The following ANO3 variants were observed in gnomAD, a reference collection of about 807,000 sequenced individuals.
ANO3 encodes anoctamin 3, also known as anoctamin-3.
In ANO3, 99 loss-of-function variants were observed where a neutral mutation model predicts 144.8. The ratio of observed to expected loss-of-function variants is 0.68; its 90% CI spans 0.58 to 0.81. ANO3 has a LOEUF of 0.81. ANO3 is among the 30% of genes least tolerant of loss of function. ANO3 has a pLI of 0.00. For synonymous variants in ANO3, 414 were observed against 392.6 expected (o/e 1.05, Z -0.64); for missense variants, 905 against 1,202.2 (o/e 0.75, Z 3.66).
intron 4 of ANO3, among the ~76,000 whole-genome samples, chr11:26,499,661 G>T (rs759053201): frequency 3.0e-4 from 45 of 151,046 alleles, no homozygotes; most frequent in East Asian, 3.9e-4. Flanking sequence ...TTTTTATGTT[G>T]CCTATTCCTG....
At chr11:26,533,524 A>G (rs979260022) in intron 8 of ANO3, among the ~76,000 whole-genome samples, 2 of 152,192 alleles carry the variant, frequency 1.3e-5, no homozygotes, top group Middle Eastern at 3.4e-3. Flanking sequence ...AGAGCCTTGG[A>G]GGAAAATAAG....
rs372318959 is a variant in ANO3 at position 26,537,446 on chromosome 11, G to A, written c.1017G>A (p.Ala339=). 1.7e-4 allele frequency: 269 copies of A among 1,613,516 alleles called. No homozygotes were observed. The highest frequency in any genetic ancestry group is 2.2e-4 in the Non-Finnish European group (258 of 1,179,562). The change falls in exon 10 of 27, where the codon GCG becomes GCA. Residue 339 remains alanine (A), a synonymous_variant. Transcript: ENST00000256737. Reference sequence around the variant, plus strand: ...TAAACAATGGCTCATACATAGCAGCGTTTCCACCACATGAGGTAATTTTGA... The same window carrying A: ...TAAACAATGGCTCATACATAGCAGCATTTCCACCACATGAGGTAATTTTGA... The part of the protein sequence containing the change: ...KLINNGSYIA[A]FPPHEGAYKS...
At chr11:26,385,787 A>G (rs1856708724) in intron 1 of ANO3, among the ~76,000 whole-genome samples, 1 of 151,306 alleles carries the variant, frequency 6.6e-6, no homozygotes, top group South Asian at 2.1e-4. Context: ...GGAACTGGAA[A>G]CATCAATTTG....
At chr11:26,597,043 G>A (rs1002206895) in intron 14 of ANO3, among the ~76,000 whole-genome samples, 3 of 152,190 alleles carry the variant, frequency 2.0e-5, no homozygotes, top group Admixed American at 6.5e-5. Context: ...TGGCTGATGG[G>A]TGCCCGGTTA....
chr11:26,437,743 G>GTA (rs1858346386), intron 1 of ANO3, among the ~76,000 whole-genome samples: 1 of 152,106 alleles, frequency 6.6e-6, no homozygotes, highest in African/African-American at 2.4e-5. Context: ...TTATGTTCAT[G>GTA]TATGCTCAGT....
At chr11:26,515,894 T>G (rs1861844738) in intron 5 of ANO3, among the ~76,000 whole-genome samples, 1 of 152,032 alleles carries the variant, frequency 6.6e-6, no homozygotes, top group African/African-American at 2.4e-5. Context: ...GACATAAACT[T>G]GTTCCATGCT....
chr11:26,213,917 T>C (rs34055654), intron 1 of ANO3, among the ~76,000 whole-genome samples: 45,894 of 151,924 alleles, frequency 0.3, 7,680 homozygotes, highest in Non-Finnish European at 0.37. Context: ...TTTAGTTATT[T>C]GAATTTGCAT....
chr11:26,565,994 T>C (rs1850565789), intron 14 of ANO3: 1 of 1,182,348 alleles, frequency 8.5e-7, no homozygotes, highest in African/African-American at 1.6e-5. Context: ...CTAGACATAA[T>C]ATAGAGATGG....
rs1342919338 is a variant in ANO3, at chr11:26,218,588, G to A, written c.154+29258G>A. ...CCAATGTTTATCTTACTGCAAATTA[G>A]CATTTGCCAAAGAGCTGTACTGATA... On this transcript the variant is annotated intron_variant, in intron 1 of 27. Transcript: ENST00000672621. Among the ~76,000 whole-genome samples, 5 of 152,186 alleles carry A rather than the reference G, an allele frequency of 3.3e-5. No homozygotes were observed. The East Asian group carries it at 5.8e-4, about 18-fold the overall frequency.
chr11:26,420,681 G>A lies in ANO3; in HGVS notation c.47-21237G>A, dbSNP rs117983767. 7.2e-3 allele frequency among the ~76,000 whole-genome samples: 1,101 copies of A among 152,038 alleles called. 5 individuals are homozygous for A. The highest frequency in any genetic ancestry group is 0.012 in the Admixed American group (179 of 15,224). ...AATTGTCTCTAGGTTCTTATATCTT[G>A]TTCCTTCAGGCCTCAGAATGATAAA... On this transcript the variant is annotated intron_variant, in intron 1 of 26. Coordinates refer to ENST00000256737, the MANE Select transcript of ANO3 (RefSeq NM_031418.4).
chr11:26,328,960 T>G (rs1226242630), upstream of ANO3, among the ~76,000 whole-genome samples: 1 of 152,124 alleles, frequency 6.6e-6, no homozygotes. Context: ...TTTTCTACTT[T>G]GGAAAACAGA....
At chr11:26,460,555 C>T (rs867528690) in intron 3 of ANO3, among the ~76,000 whole-genome samples, 5 of 151,830 alleles carry the variant, frequency 3.3e-5, no homozygotes, top group South Asian at 2.1e-4. Context: ...CTCTAGTCAG[C>T]GCTGTAGGGT....
intron 4 of ANO3, among the ~76,000 whole-genome samples, chr11:26,493,992 A>T (rs1860822753): frequency 6.6e-6 from 1 of 152,184 alleles, no homozygotes; most frequent in Admixed American, 6.5e-5. Context: ...GTAAAAGGAT[A>T]GTTTTCAAAA....
At chr11:26,420,958 T>G (rs2133997545) in intron 1 of ANO3, among the ~76,000 whole-genome samples, 1 of 152,136 alleles carries the variant, frequency 6.6e-6, no homozygotes, top group Admixed American at 6.6e-5. Flanking sequence ...AGAAGTAGTG[T>G]GTTATATTGC....
chr11:26,537,000 C>T (rs1224028780), intron 9 of ANO3, among the ~76,000 whole-genome samples: 1 of 146,806 alleles, frequency 6.8e-6, no homozygotes, highest in Non-Finnish European at 1.5e-5. Context: ...TACCAATATC[C>T]TTTAAATTTT....
intron 1 of ANO3, among the ~76,000 whole-genome samples, chr11:26,204,550 G>A (rs1851760225): frequency 6.6e-6 from 1 of 152,106 alleles, no homozygotes; most frequent in African/African-American, 2.4e-5. Context: ...TTCTTTGGAA[G>A]CCCTAAGAAC....
At chr11:26,242,422 CT>C (rs1024656946) in intron 1 of ANO3, among the ~76,000 whole-genome samples, 1 of 152,162 alleles carries the variant, frequency 6.6e-6, no homozygotes, top group African/African-American at 2.4e-5. Context: ...TTAGAAAGGC[CT>C]TTCCCGTTAT....
chr11:26,285,057 T>G (rs1853771923), intron 1 of ANO3, among the ~76,000 whole-genome samples: 1 of 152,200 alleles, frequency 6.6e-6, no homozygotes, highest in African/African-American at 2.4e-5. Context: ...GAATTTCCAC[T>G]AGGGGGAGCT....
At position 26,312,743 on chromosome 11, in the gene ANO3, C is replaced by T. The variant is rs570591441; in HGVS notation, c.-3+3024C>T. On this transcript the variant is annotated intron_variant, in intron 1 of 26. Transcript: ENST00000525139. ...TATTTGTAGATTCTGGATATTAGCC[C>T]TTTGTCAGATAGGTAGATTGTAAAA... Among the ~76,000 whole-genome samples the T allele has an allele frequency of 3.9e-5, 6 of 152,230 alleles. No individual in the cohort carries two copies. The South Asian group carries it at 1.2e-3, about 32-fold the overall frequency.
Sources: allele counts gnomAD v4.1 joint callset (sites outside exome capture counted in the v4.1 genomes callset), GRCh38; gene constraint gnomAD v4.1.1; transcripts MANE v1.5; gene names NCBI Gene and HGNC (gene_info 2026-07-23, HGNC 2026-07-21).